Variants in DOCK6 observed in about 807,000 individuals in gnomAD.
DOCK6 encodes dedicator of cytokinesis protein 6.
A neutral mutation model predicts 230.3 loss-of-function variants in DOCK6; 167 were observed. That is an observed-to-expected ratio of 0.73 (90% CI 0.64 to 0.82). The LOEUF is 0.82. Ranked by LOEUF, DOCK6 falls within the 40% of genes least tolerant of loss-of-function variation. DOCK6 has a pLI of 0.00. For synonymous variants in DOCK6, 1,148 were observed against 1,185.0 expected (o/e 0.97, Z 0.64); for missense variants, 2,598 against 2,825.8 (o/e 0.92, Z 1.83).
chr19:11,244,190 T>C (rs1410132954), intron 9 of DOCK6, among the ~76,000 whole-genome samples: 1 of 151,030 alleles, frequency 6.6e-6, no homozygotes, highest in Non-Finnish European at 1.5e-5. Flanking sequence ...ATGTATTATA[T>C]AGAGACAGGG....
Position 11,202,695 on chromosome 19 carries a change from C to G in DOCK6, c.5250G>C (p.Thr1750=), listed in dbSNP as rs772194095. 2 of 1,613,998 alleles carry G rather than the reference C, an allele frequency of 1.2e-6. No individual in the cohort carries two copies. Among genetic ancestry groups the G allele is most frequent in the East Asian group, 2.2e-5 (1 of 44,884 alleles). ...CGCCGTAGAAGCCCACGCGGAAATA[C>G]GTCCCGAACACGCGCTGGGGCTGTG... The part of the protein sequence containing the change: ...QSSGWERVFG[T]YFRVGFYGAH... Residue 1750 remains threonine (T), a synonymous_variant, in exon 42 of 48, where the codon ACG becomes ACC. Coordinates refer to ENST00000294618, the MANE Select transcript of DOCK6 (RefSeq NM_020812.4). The surrounding 1 kb of genome is among the most constrained non-coding windows in gnomAD (Gnocchi z 5.3).
At chr19:11,219,446 C>A (rs1462681969) in intron 28 of DOCK6, among the ~76,000 whole-genome samples, 1 of 151,294 alleles carries the variant, frequency 6.6e-6, no homozygotes, top group Non-Finnish European at 1.5e-5. Context: ...CCTCAGCCTC[C>A]CAAAGTGCTG....
At chr19:11,234,315 C>A (rs1343268392) in intron 21 of DOCK6, among the ~76,000 whole-genome samples, 1 of 151,226 alleles carries the variant, frequency 6.6e-6, no homozygotes, top group Non-Finnish European at 1.5e-5. Context: ...TTTTTTGAGA[C>A]AGGCTGGTCT....
chr19:11,226,786 T>C (rs2079672266), intron 24 of DOCK6, among the ~76,000 whole-genome samples: 1 of 152,206 alleles, frequency 6.6e-6, no homozygotes, highest in Non-Finnish European at 1.5e-5. Flanking sequence ...CCTGAGGGCA[T>C]TGGAATTGGT....
At chr19:11,237,093 A>G in intron 18 of DOCK6, 1 of 598,494 alleles carries the variant, frequency 1.7e-6, no homozygotes, top group Non-Finnish European at 3.0e-6. Context: ...GAGAATGGAG[A>G]CACAGGGTGA....
At chr19:11,241,922 A>T in intron 14 of DOCK6, 123 bp downstream of exon 14, 1 of 1,352,242 alleles carries the variant, frequency 7.4e-7, no homozygotes, top group Non-Finnish European at 1.0e-6. Context: ...ACCCCTCATT[A>T]AAGCAGAGTC....
chr19:11,228,378 C>T (rs1044461103), intron 23 of DOCK6, among the ~76,000 whole-genome samples: 2 of 152,024 alleles, frequency 1.3e-5, no homozygotes, highest in Non-Finnish European at 2.9e-5. Context: ...GTGAGGGTCT[C>T]TTAATGGTTT....
chr19:11,233,376 G>C lies in DOCK6; in HGVS notation c.2555-10C>G, dbSNP rs751536552. ...GTCACTGGAGGGGCCCCTGAGGATG[G>C]AGTGAATAGGGTCAACCACCCACCC... On this transcript the variant is annotated splice_polypyrimidine_tract_variant and intron_variant, in intron 21 of 47. Coordinates refer to ENST00000294618, the MANE Select transcript of DOCK6 (RefSeq NM_020812.4). 3.7e-6 allele frequency: 6 copies of C among 1,611,850 alleles called. No individual in the cohort carries two copies. The East Asian group carries it at 8.9e-5, about 24-fold the overall frequency.
In DOCK6 at chr19:11,227,377, A is replaced by G. The variant is rs756441157; in HGVS notation, c.2915T>C (p.Val972Ala). ...GRFLDDITAL[V>A]GSVGLEVITR... is the part of the protein sequence containing the mutation. ...GATGACCTCCAGGCCCACAGAGCCC[A>G]CCAAGGCAGTGATGTCGTCCAGGAA... The change falls in exon 24 of 48, where the codon GTG becomes GCG. Residue 972 changes from valine (V) to alanine (A), a missense_variant. By Grantham distance (64) the Val-to-Ala change is moderately conservative. Transcript: ENST00000294618. 2 of 1,613,882 alleles carry G rather than the reference A, an allele frequency of 1.2e-6. No homozygotes were observed. The highest frequency in any genetic ancestry group is 2.2e-5 in the South Asian group (2 of 91,072).
Position 11,235,597 on chromosome 19 carries a change from C to T in DOCK6, c.2554+1G>A. 6.3e-7 allele frequency: 1 copy of T among 1,581,812 alleles called. No individual in the cohort carries two copies. The highest frequency in any genetic ancestry group is 8.6e-7 in the Non-Finnish European group (1 of 1,159,720). On this transcript the variant is annotated splice_donor_variant, in intron 21 of 47. Transcript: ENST00000294618. LOFTEE classifies it high-confidence loss of function. Reference sequence around the variant, plus strand: ...TCTCACAGGGATTTCTACAAACTCACCATCCGGGAGGCTGGGCTCAGTGCC... The same window carrying T: ...TCTCACAGGGATTTCTACAAACTCATCATCCGGGAGGCTGGGCTCAGTGCC...
chr19:11,216,071 A>G, intron 30 of DOCK6, 144 bp from the exon 31 acceptor site: 1 of 1,083,974 alleles, frequency 9.2e-7, no homozygotes, highest in East Asian at 2.7e-5. Flanking sequence ...CTAAATTCTT[A>G]GCACTTACCA....
chr19:11,222,258 G>A lies in DOCK6; in HGVS notation c.3241-10C>T. On this transcript the variant is annotated splice_polypyrimidine_tract_variant and intron_variant, in intron 26 of 47. Coordinates refer to ENST00000294618, the MANE Select transcript of DOCK6 (RefSeq NM_020812.4). The surrounding 1 kb of genome is among the most constrained non-coding windows in gnomAD (Gnocchi z 4.0). ...TGGAGAAGGTGGAGCTCTGCAGAGT[G>A]GGGGAAAAATGGGGGATGCCAGCGG... 6.3e-7 allele frequency: 1 copy of A among 1,591,284 alleles called. No individual in the cohort carries two copies. Among genetic ancestry groups the A allele is most frequent in the Non-Finnish European group, 8.6e-7 (1 of 1,169,018 alleles).
intron 39 of DOCK6, among the ~76,000 whole-genome samples, chr19:11,205,107 GC>G (rs2079235600): frequency 2.0e-5 from 3 of 152,210 alleles, no homozygotes; most frequent in African/African-American, 7.2e-5. Context: ...CTGGCATCAA[GC>G]CTGGCTCAAA....
chr19:11,257,341 T>C (rs2147891441), intron 1 of DOCK6, among the ~76,000 whole-genome samples: 1 of 148,406 alleles, frequency 6.7e-6, no homozygotes, highest in South Asian at 2.2e-4. Flanking sequence ...ATGGCAACCA[T>C]GAGTGTCAGG....
At chr19:11,211,403 C>T (rs1474901781) in intron 37 of DOCK6, among the ~76,000 whole-genome samples, 1 of 152,080 alleles carries the variant, frequency 6.6e-6, no homozygotes, top group Non-Finnish European at 1.5e-5. Context: ...GTCCCCCTCA[C>T]CTGTCCTGGC....
chr19:11,242,849 C>A (rs2079968469), intron 13 of DOCK6, among the ~76,000 whole-genome samples: 2 of 152,200 alleles, frequency 1.3e-5, no homozygotes, highest in Admixed American at 1.3e-4. Flanking sequence ...CTGCCATTAA[C>A]CACCTATTGA....
intron 23 of DOCK6, among the ~76,000 whole-genome samples, chr19:11,228,119 T>C (rs2079699944): frequency 1.3e-5 from 2 of 151,314 alleles, no homozygotes; most frequent in Admixed American, 1.3e-4. Flanking sequence ...CAAGCGATTC[T>C]CCTGCCTCAG....
chr19:11,251,325 C>A (rs1847784442), intron 5 of DOCK6: 2 of 527,016 alleles, frequency 3.8e-6, no homozygotes, highest in Non-Finnish European at 3.4e-6. Flanking sequence ...ACATTTGGGG[C>A]TTTAGGTGAT....
In DOCK6 at chr19:11,214,302, C is replaced by G; in HGVS notation, c.4311G>C (p.Leu1437=). ...TGGACACAAGGGCCCTCTGGGTGGC[C>G]AGGCCATGCTGCAAGAAGAGGGCAC... ...AQSALFLQHG[L]ATQRALVSKF... Residue 1437 remains leucine, a synonymous_variant, in exon 34 of 48, where the codon CTG becomes CTC. Coordinates refer to ENST00000294618, the MANE Select transcript of DOCK6 (RefSeq NM_020812.4). The G allele has an allele frequency of 6.2e-7, 1 of 1,613,054 alleles. No homozygotes were observed. The highest frequency in any genetic ancestry group is 8.5e-7 in the Non-Finnish European group (1 of 1,179,656).
Sources: gnomAD v4.1 joint callset for allele counts (sites outside exome capture counted in the v4.1 genomes callset) on GRCh38, gnomAD v4.1.1 for gene constraint, Gnocchi (gnomAD v3.1) non-coding constraint, MANE v1.5 for transcripts, NCBI Gene and HGNC (gene_info 2026-07-23, HGNC 2026-07-21) for gene names.